Variants in FAM204A observed in about 807,000 individuals in gnomAD.
FAM204A encodes the protein family with sequence similarity 204 member A.
Under a neutral mutation model 35.4 loss-of-function variants are expected in FAM204A, and 16 were observed. That is an observed-to-expected ratio of 0.45 (90% CI 0.31 to 0.69). The LOEUF is 0.69. FAM204A is among the 30% of genes least tolerant of loss of function. FAM204A has a pLI of 0.07. For synonymous variants in FAM204A, 76 were observed against 86.9 expected (o/e 0.88, Z 0.70); for missense variants, 240 against 265.7 (o/e 0.90, Z 0.67).
At chr10:118,319,724 T>C (rs1299009793) in intron 7 of FAM204A, among the ~76,000 whole-genome samples, 2 of 152,062 alleles carry the variant, frequency 1.3e-5, no homozygotes, top group Non-Finnish European at 1.5e-5. Flanking sequence ...TCAGCAAAGA[T>C]GGCAGCGCAT....
chr10:118,322,926 T>C lies in FAM204A; in HGVS notation c.543+3228A>G, dbSNP rs139842054. ...CTCTGTGAATTCCCCTTGTTTCAGA[T>C]GGGGGTACTAATAAGCAGAAAAAGA... On this transcript the variant is annotated intron_variant, in intron 7 of 8. Transcript: ENST00000369183. Among the ~76,000 whole-genome samples, 301 of 152,212 alleles carry C rather than the reference T, an allele frequency of 2.0e-3. 1 individual carries two copies. The highest frequency in any genetic ancestry group is 6.9e-3 in the African/African-American group (285 of 41,532).
rs2119777043 is a variant in FAM204A, at chr10:118,306,168, A to G, written c.*4689T>C. 1 of 152,420 alleles carries G rather than the reference A, an allele frequency of 6.6e-6. No homozygotes were observed. The highest frequency in any genetic ancestry group is 3.4e-3 in the Middle Eastern group (1 of 294). The allele number at this position is 152,420 out of a possible 1,614,324, so 9.4% of individuals were successfully genotyped here. A position where few individuals can be genotyped will look rare whatever the true frequency, so the allele number is the denominator to read the frequency against. On this transcript the variant is annotated 3_prime_UTR_variant, in exon 9 of 9. Coordinates refer to ENST00000369183, the MANE Select transcript of FAM204A (RefSeq NM_022063.3). ...AGGTGGAAAAGGATTACCTCATTCC[A>G]TACCTGTCACATAGCAGGCCCCCTG... is the stretch of plus-strand genomic sequence containing the variant.
At chr10:118,331,064 T>C (rs951964881) in intron 6 of FAM204A, among the ~76,000 whole-genome samples, 3 of 152,226 alleles carry the variant, frequency 2.0e-5, no homozygotes, top group African/African-American at 7.2e-5. Flanking sequence ...GATACCATTA[T>C]TGCAAAAGAG....
Position 118,326,205 on chromosome 10 carries a change from C to T in FAM204A, c.492G>A (p.Glu164=), listed in dbSNP as rs1452450949. ...GTTCCTCAGCCTTCTCAATATTCCA[C>T]TCCTCCACAGCCTGGTCTATCCTCT... ...LEKRIDQAVE[E]WNIEKAEELS... Residue 164 remains glutamate (E), a synonymous_variant, in exon 7 of 9, where the codon GAG becomes GAA. Coordinates refer to ENST00000369183, the MANE Select transcript of FAM204A (RefSeq NM_022063.3). The T allele has an allele frequency of 9.3e-6, 15 of 1,614,022 alleles. No homozygotes were observed. The highest frequency in any genetic ancestry group is 1.3e-5 in the Non-Finnish European group (15 of 1,179,906).
In FAM204A at chr10:118,307,562, A is replaced by G. The variant is rs1407215753; in HGVS notation, c.*3295T>C. 6.6e-6 allele frequency: 1 copy of G among 152,250 alleles called. No homozygotes were observed. Among genetic ancestry groups the G allele is most frequent in the Non-Finnish European group, 1.5e-5 (1 of 68,046 alleles). The allele number at this position is 152,250 out of a possible 1,614,324, so 9.4% of individuals were successfully genotyped here. A position where few individuals can be genotyped will look rare whatever the true frequency, so the allele number is the denominator to read the frequency against. ...CTCCTCAAACTTTATCATCTCTTAA[A>G]AAATAATGTACAACTCTCATTTTGT... is the stretch of plus-strand genomic sequence containing the variant. On this transcript the variant is annotated 3_prime_UTR_variant, in exon 9 of 9. Coordinates refer to ENST00000369183, the MANE Select transcript of FAM204A (RefSeq NM_022063.3).
Position 118,311,108 on chromosome 10 carries a change from A to G in FAM204A, c.650+99T>C. 7 of 1,182,866 alleles carry G rather than the reference A, an allele frequency of 5.9e-6. No individual in the cohort carries two copies. In the South Asian group the frequency reaches 8.0e-5, roughly 14 times the overall value. 73.3% of individuals were successfully genotyped at this position (1,182,866 alleles called of 1,614,324 possible). A position where few individuals can be genotyped will look rare whatever the true frequency, so the allele number is the denominator to read the frequency against. ...ACATTCAACGAAGAAAAAAATGTAAAATGAGTTAACAGTTATACACGAACT... is the reference window on the plus strand; with the variant it reads ...ACATTCAACGAAGAAAAAAATGTAAGATGAGTTAACAGTTATACACGAACT... On this transcript the variant is annotated intron_variant, in intron 8 of 8. Transcript: ENST00000369183.
chr10:118,322,046 A>G (rs577650800), intron 7 of FAM204A, among the ~76,000 whole-genome samples: 25 of 152,258 alleles, frequency 1.6e-4, no homozygotes, highest in African/African-American at 6.0e-4. Context: ...ACTTAAGCCA[A>G]GTTTTAGATT....
At chr10:118,311,387 T>C (rs946806313) in intron 7 of FAM204A, 74 bp from the exon 8 acceptor site, 6 of 1,191,290 alleles carry the variant, frequency 5.0e-6, no homozygotes, top group African/African-American at 1.5e-5. Flanking sequence ...CTTATACAAA[T>C]AATTGAGAAC....
At position 118,304,493 on chromosome 10, in the gene FAM204A, G is replaced by A. The variant is rs192581953; in HGVS notation, c.*6364C>T. The A allele has an allele frequency of 6.6e-6, 1 of 152,504 alleles. No homozygotes were observed. The highest frequency in any genetic ancestry group is 6.5e-5 in the Admixed American group (1 of 15,290). The allele number at this position is 152,504 out of a possible 1,614,324, so 9.4% of individuals were successfully genotyped here. ...TCAAAGTTGTGTGTGAGTTGGTTCT[G>A]GCCAGCTCTTTTCAACGCCATCTCT... On this transcript the variant is annotated 3_prime_UTR_variant, in exon 9 of 9. Transcript: ENST00000369183.
intron 7 of FAM204A, among the ~76,000 whole-genome samples, chr10:118,321,533 C>A (rs974970016): frequency 6.6e-6 from 1 of 151,598 alleles, no homozygotes; most frequent in African/African-American, 2.4e-5. Flanking sequence ...CAGAAAAAAA[C>A]ATTGTATTTG....
intron 6 of FAM204A, among the ~76,000 whole-genome samples, chr10:118,332,324 T>C (rs746336936): frequency 3.3e-5 from 5 of 152,064 alleles, no homozygotes; most frequent in African/African-American, 7.2e-5. Context: ...CTTCAGTTTC[T>C]TTATCTGTAT....
intron 6 of FAM204A, among the ~76,000 whole-genome samples, chr10:118,329,874 C>T (rs1564761625): frequency 6.6e-6 from 1 of 152,086 alleles, no homozygotes; most frequent in South Asian, 2.1e-4. Context: ...TTATTACATA[C>T]CAACTACTCT....
chr10:118,316,734 A>G (rs1050533725), intron 7 of FAM204A, among the ~76,000 whole-genome samples: 2 of 152,146 alleles, frequency 1.3e-5, no homozygotes, highest in African/African-American at 4.8e-5. Flanking sequence ...ATATCCACAT[A>G]TCATTCATAT....
chr10:118,335,367 AATAG>A, intron 5 of FAM204A, 25 bp downstream of exon 5: 1 of 1,580,580 alleles, frequency 6.3e-7, no homozygotes, highest in Non-Finnish European at 8.6e-7. Flanking sequence ...AATGGCCTAA[AATAG>A]ATAACTATTT....
At chr10:118,319,557 T>G (rs1846080112) in intron 7 of FAM204A, among the ~76,000 whole-genome samples, 1 of 152,012 alleles carries the variant, frequency 6.6e-6, no homozygotes, top group African/African-American at 2.4e-5. Flanking sequence ...TCATTTCTAC[T>G]TTTGATACAC....
chr10:118,306,317 C>T lies in FAM204A; in HGVS notation c.*4540G>A, dbSNP rs1466213466. 6.6e-6 allele frequency: 1 copy of T among 152,252 alleles called. No individual in the cohort carries two copies. Among genetic ancestry groups the T allele is most frequent in the Non-Finnish European group, 1.5e-5 (1 of 68,052 alleles). The allele number at this position is 152,252 out of a possible 1,614,324, so 9.4% of individuals were successfully genotyped here. The stretch of plus-strand genomic sequence containing the variant: ...GGAGCACTTAGGAGCCGAGGTTTCT[C>T]TTGGGCACTACCCTCCCTTCCCCTT... On this transcript the variant is annotated 3_prime_UTR_variant, in exon 9 of 9. Transcript: ENST00000369183.
chr10:118,314,693 G>T (rs1434857859), intron 7 of FAM204A, among the ~76,000 whole-genome samples: 2 of 152,138 alleles, frequency 1.3e-5, no homozygotes, highest in Non-Finnish European at 2.9e-5. Flanking sequence ...TTTAAAAAAT[G>T]GTTTTGGGTC....
chr10:118,316,350 T>C (rs1334081268), intron 7 of FAM204A, among the ~76,000 whole-genome samples: 2 of 152,144 alleles, frequency 1.3e-5, no homozygotes, highest in African/African-American at 2.4e-5. Flanking sequence ...TATTATGTGC[T>C]CTAGTAAATT....
intron 7 of FAM204A, among the ~76,000 whole-genome samples, chr10:118,321,773 C>T (rs949026271): frequency 6.9e-6 from 1 of 145,120 alleles, no homozygotes; most frequent in African/African-American, 2.5e-5. Context: ...AGGAAACTCA[C>T]ATTTCTGAAA....
Sources: allele counts gnomAD v4.1 joint callset (sites outside exome capture counted in the v4.1 genomes callset), GRCh38; gene constraint gnomAD v4.1.1; transcripts MANE v1.5; gene names NCBI Gene and HGNC (gene_info 2026-07-23, HGNC 2026-07-21).